TRPM3: variants seen among roughly 807,000 people sequenced by gnomAD.
The protein encoded by TRPM3 is long transient receptor potential channel 3.
In TRPM3, 77 loss-of-function variants were observed where a neutral mutation model predicts 181.2. The observed-to-expected ratio is 0.42, with a 90% confidence interval of 0.35 to 0.51. The LOEUF is 0.51. Among genes scored for constraint, TRPM3 ranks in the 20% least tolerant of loss-of-function variants. TRPM3 has a pLI of 0.01. For missense variants in TRPM3, 1,759 were observed against 2,196.7 expected (o/e 0.80, Z 3.98); for synonymous variants, 745 against 796.4 (o/e 0.94, Z 1.09).
At chr9:71,388,819 T>C (rs1304744674) in intron 1 of TRPM3, among the ~76,000 whole-genome samples, 1 of 152,104 alleles carries the variant, frequency 6.6e-6, no homozygotes, top group Non-Finnish European at 1.5e-5. Flanking sequence ...AGATTTGCCA[T>C]CCAGAGCCCA....
intron 1 of TRPM3, among the ~76,000 whole-genome samples, chr9:71,436,554 C>T (rs1206082011): frequency 2.4e-4 from 36 of 151,970 alleles, no homozygotes; most frequent in African/African-American, 7.7e-4. Context: ...CTGCCCACCT[C>T]GGCCTCCCAA....
intron 6 of TRPM3, among the ~76,000 whole-genome samples, chr9:70,822,294 A>C (rs536923232): frequency 5.7e-4 from 86 of 151,772 alleles, no homozygotes; most frequent in Non-Finnish European, 1.0e-3. Flanking sequence ...TTCTGTAAAC[A>C]CTCCTTAGGG....
intron 1 of TRPM3, among the ~76,000 whole-genome samples, chr9:71,058,321 G>A (rs1195625297): frequency 6.6e-6 from 1 of 151,988 alleles, no homozygotes; most frequent in Non-Finnish European, 1.5e-5. Context: ...TTCTTCAGCT[G>A]CCCAGGCCCT....
intron 1 of TRPM3, among the ~76,000 whole-genome samples, chr9:71,036,387 A>G (rs1303054123): frequency 6.6e-6 from 1 of 151,950 alleles, no homozygotes; most frequent in African/African-American, 2.4e-5. Flanking sequence ...TTGAGAAAGC[A>G]CTCCAGCACC....
At chr9:71,199,267 C>T (rs1469243349) in intron 1 of TRPM3, among the ~76,000 whole-genome samples, 1 of 151,812 alleles carries the variant, frequency 6.6e-6, no homozygotes, top group African/African-American at 2.4e-5. Flanking sequence ...CTGCTGGATT[C>T]AGTTTGCCAG....
At chr9:71,420,531 AAGAAAGAAAGAAAAAG>A (rs1428280200) in intron 1 of TRPM3, among the ~76,000 whole-genome samples, 1 of 150,998 alleles carries the variant, frequency 6.6e-6, no homozygotes, top group Non-Finnish European at 1.5e-5. Flanking sequence ...GAGAAAGAGA[AAGAAAGAAAGAAAAAG>A]AGAAAGAAAG....
chr9:70,827,373 T>C (rs936375019), intron 6 of TRPM3: 2 of 152,276 alleles, frequency 1.3e-5, no homozygotes, highest in Non-Finnish European at 2.9e-5. Context: ...AAAAGCTTAA[T>C]AAATAGAAAC....
intron 1 of TRPM3, among the ~76,000 whole-genome samples, chr9:71,051,949 G>A (rs186495911): frequency 1.9e-4 from 29 of 152,142 alleles, no homozygotes; most frequent in Admixed American, 7.8e-4. Flanking sequence ...GGTTGTTTCC[G>A]TATCTCGAAG....
In TRPM3 at chr9:70,529,076, TGA is replaced by T. The variant is rs2040504154; in HGVS notation, c.*6875_*6876del. On this transcript the variant is annotated 3_prime_UTR_variant, in exon 26 of 26. Transcript: ENST00000677713. ...AAGTCCAAGTCATGTTTTAAACTAC[TGA>T]GTTTTTTTTTTTATTGCAAAACATT... The T allele has an allele frequency of 2.0e-5, 3 of 151,712 alleles. No individual in the cohort carries two copies. The highest frequency in any genetic ancestry group is 1.3e-4 in the Admixed American group (2 of 15,242). The allele number at this position is 151,712 out of a possible 1,614,324, so 9.4% of individuals were successfully genotyped here.
rs1219272507 is a variant in TRPM3 at position 71,112,983 on chromosome 9, A to G, written c.177+8195T>C. On this transcript the variant is annotated intron_variant, in intron 1 of 25. Transcript: ENST00000677713. ...CGGAATTCCATGATTTGAGGAGGGGAAAAACAAGGTAAGAAGGCAGCAAAG... is the reference window on the plus strand; with the variant it reads ...CGGAATTCCATGATTTGAGGAGGGGGAAAACAAGGTAAGAAGGCAGCAAAG... Among the ~76,000 whole-genome samples the G allele has an allele frequency of 3.3e-5, 5 of 152,202 alleles. No homozygotes were observed. In the South Asian group the frequency reaches 6.2e-4, roughly 19 times the overall value.
chr9:71,337,494 C>T (rs1258175048), intron 1 of TRPM3, among the ~76,000 whole-genome samples: 3 of 152,124 alleles, frequency 2.0e-5, no homozygotes, highest in East Asian at 1.9e-4. Flanking sequence ...TAAACTAGTT[C>T]AACCATTGTG....
chr9:71,311,773 G>A (rs896160466), intron 1 of TRPM3, among the ~76,000 whole-genome samples: 1 of 151,464 alleles, frequency 6.6e-6, no homozygotes, highest in African/African-American at 2.4e-5. Context: ...ATATGCTAAT[G>A]ATAGCTGATG....
Position 71,408,307 on chromosome 9 carries a change from A to C in TRPM3, c.183+38346T>G, listed in dbSNP as rs182675980. On this transcript the variant is annotated intron_variant, in intron 1 of 24. Transcript: ENST00000357533. ...AGAACGTTAATAACGAACTTCTCTGAGCTAAGGGAGGATGTTTGAACCCAT... is the reference window on the plus strand; with the variant it reads ...AGAACGTTAATAACGAACTTCTCTGCGCTAAGGGAGGATGTTTGAACCCAT... 1.2e-4 allele frequency among the ~76,000 whole-genome samples: 18 copies of C among 152,304 alleles called. No homozygotes were observed. In the East Asian group the frequency reaches 3.5e-3, roughly 29 times the overall value.
At chr9:71,344,013 GTTAGATTAGA>G (rs78208290) in intron 1 of TRPM3, among the ~76,000 whole-genome samples, 188 of 150,132 alleles carry the variant, frequency 1.3e-3, no homozygotes, top group African/African-American at 3.4e-3. Flanking sequence ...ATTATTCCAT[GTTAGATTAGA>G]TTAGATTAGA....
intron 1 of TRPM3, among the ~76,000 whole-genome samples, chr9:71,285,120 G>T (rs944316073): frequency 2.0e-5 from 3 of 152,106 alleles, no homozygotes; most frequent in Non-Finnish European, 2.9e-5. Flanking sequence ...TTACATATTT[G>T]CATGTTTTTG....
chr9:70,544,308 T>C (rs1282548280), intron 25 of TRPM3, among the ~76,000 whole-genome samples: 1 of 152,176 alleles, frequency 6.6e-6, no homozygotes, highest in Admixed American at 6.5e-5. Context: ...ACGGTATTTT[T>C]TGATTGCTTA....
rs775164387 is a variant in TRPM3, at chr9:71,205,822, C to T, written c.183+240831G>A. 3.9e-5 allele frequency among the ~76,000 whole-genome samples: 6 copies of T among 152,296 alleles called. No homozygotes were observed. In the South Asian group the frequency reaches 6.2e-4, roughly 16 times the overall value. ...CTGTCATCAGAATGAGCAAATTGAA[C>T]TGTCTACTGATAGTTTCCATGAGAA... is the stretch of plus-strand genomic sequence containing the variant. On this transcript the variant is annotated intron_variant, in intron 1 of 24. Coordinates refer to the TRPM3 transcript ENST00000357533.
intron 1 of TRPM3, among the ~76,000 whole-genome samples, chr9:71,018,101 T>C (rs2097800582): frequency 6.6e-6 from 1 of 151,796 alleles, no homozygotes; most frequent in Non-Finnish European, 1.5e-5. Flanking sequence ...AAAATCAAAA[T>C]GGAAGTTAAA....
intron 1 of TRPM3, among the ~76,000 whole-genome samples, chr9:71,114,700 C>G (rs2071915000): frequency 6.6e-6 from 1 of 152,106 alleles, no homozygotes; most frequent in Non-Finnish European, 1.5e-5. Context: ...CCACTTCTCA[C>G]TTGGTCCTAT....
Sources: gnomAD v4.1 joint callset for allele counts (sites outside exome capture counted in the v4.1 genomes callset) on GRCh38, gnomAD v4.1.1 for gene constraint, MANE v1.5 for transcripts, NCBI Gene and HGNC (gene_info 2026-07-23, HGNC 2026-07-21) for gene names.